The following FRAS1 variants were observed in gnomAD, a reference collection of about 807,000 sequenced individuals.
FRAS1 encodes Fraser extracellular matrix complex subunit 1.
A neutral mutation model predicts 435.2 loss-of-function variants in FRAS1; 290 were observed. The ratio of observed to expected loss-of-function variants is 0.67; its 90% confidence interval spans 0.61 to 0.73. The LOEUF is 0.73. FRAS1 is among the 30% of genes least tolerant of loss of function. The probability of loss-of-function intolerance (pLI) is 0.00; values close to 1 mark genes in which losing one functional copy is unlikely to be tolerated. For missense variants in FRAS1, 4,860 were observed against 5,001.5 expected (o/e 0.97, Z 0.85); for synonymous variants, 1,800 against 1,851.0 (o/e 0.97, Z 0.71).
chr4:78,275,210 C>G (rs1443402031), intron 9 of FRAS1, among the ~76,000 whole-genome samples: 1 of 152,186 alleles, frequency 6.6e-6, no homozygotes, highest in East Asian at 1.9e-4. Context: ...ATGTGTGTCT[C>G]TGCACATGAG....
chr4:78,472,248 C>T lies in FRAS1; in HGVS notation c.7440C>T (p.Val2480=). Residue 2480 remains valine, a synonymous_variant, in exon 52 of 74, where the codon GTC becomes GTT. Transcript: ENST00000512123. ...CAGACACCGAGGACGCGCAGCTTGT[C>T]TATGAGATAACGACGGGCCCTAAGC... ...MDPDTEDAQL[V]YEITTGPKHG... 1 of 1,613,888 alleles carries T rather than the reference C, an allele frequency of 6.2e-7. No homozygotes were observed. The highest frequency in any genetic ancestry group is 8.5e-7 in the Non-Finnish European group (1 of 1,179,814).
chr4:78,428,402 A>G (rs558484125), intron 35 of FRAS1, among the ~76,000 whole-genome samples: 2 of 152,112 alleles, frequency 1.3e-5, no homozygotes, highest in Non-Finnish European at 2.9e-5. Flanking sequence ...GGCTCACTGC[A>G]AGCTCCGCCT....
chr4:78,424,909 A>C (rs992198987), intron 35 of FRAS1, among the ~76,000 whole-genome samples: 3 of 151,984 alleles, frequency 2.0e-5, no homozygotes, highest in African/African-American at 7.3e-5. Context: ...CAGCTTGGAC[A>C]ATAGTGAAAC....
At chr4:78,186,439 G>A (rs1722271833) in intron 2 of FRAS1, among the ~76,000 whole-genome samples, 1 of 152,156 alleles carries the variant, frequency 6.6e-6, no homozygotes, top group Non-Finnish European at 1.5e-5. Context: ...GAACTATGTG[G>A]AAGTGTGTAT....
chr4:78,102,318 A>G (rs1001277025), intron 2 of FRAS1, among the ~76,000 whole-genome samples: 9 of 152,186 alleles, frequency 5.9e-5, no homozygotes, highest in African/African-American at 1.2e-4. Flanking sequence ...TGAAAACTCA[A>G]TTAGTGAAGT....
chr4:78,393,941 G>A (rs1732550348), intron 29 of FRAS1, among the ~76,000 whole-genome samples: 1 of 151,844 alleles, frequency 6.6e-6, no homozygotes, highest in African/African-American at 2.4e-5. Context: ...ACAAGTGTGA[G>A]GTAGTTTTGC....
chr4:78,372,888 C>T (rs1560688012), intron 24 of FRAS1, 30 bp downstream of exon 24: 3 of 1,603,696 alleles, frequency 1.9e-6, no homozygotes, highest in African/African-American at 1.3e-5. Flanking sequence ...GCTCTGTGCT[C>T]AGCCATACCT....
At chr4:78,073,242 G>C (rs1248324783) in intron 2 of FRAS1, among the ~76,000 whole-genome samples, 3 of 152,110 alleles carry the variant, frequency 2.0e-5, no homozygotes, top group African/African-American at 7.2e-5. Context: ...TTGTATGAGA[G>C]GAATAATACA....
chr4:78,245,615 T>C (rs1725205942), intron 4 of FRAS1, among the ~76,000 whole-genome samples: 1 of 152,186 alleles, frequency 6.6e-6, no homozygotes, highest in Non-Finnish European at 1.5e-5. Flanking sequence ...ACTACATACA[T>C]TTTAAATTTG....
chr4:78,493,252 C>T (rs1720417624), intron 59 of FRAS1, among the ~76,000 whole-genome samples: 1 of 152,194 alleles, frequency 6.6e-6, no homozygotes, highest in Non-Finnish European at 1.5e-5. Flanking sequence ...ATGGTGATTC[C>T]TCAAGGATCT....
intron 6 of FRAS1, among the ~76,000 whole-genome samples, chr4:78,262,452 G>A (rs1578213545): frequency 1.3e-5 from 2 of 152,174 alleles, no homozygotes; most frequent in African/African-American, 4.8e-5. Flanking sequence ...GCCATATTCT[G>A]TTAGAGCTAG....
At chr4:78,474,167 A>G (rs1719795481) in intron 53 of FRAS1, among the ~76,000 whole-genome samples, 1 of 152,168 alleles carries the variant, frequency 6.6e-6, no homozygotes, top group African/African-American at 2.4e-5. Context: ...AGGAATGTAT[A>G]TCTGTAGGGC....
chr4:78,284,601 A>T, intron 13 of FRAS1, 53 bp downstream of exon 13: 1 of 1,502,952 alleles, frequency 6.7e-7, no homozygotes. Context: ...AGATAGACTC[A>T]TCAAAGGTTG....
intron 34 of FRAS1, 98 bp from the exon 35 acceptor site, chr4:78,424,290 C>A (rs933198397): frequency 3.4e-5 from 19 of 556,890 alleles, no homozygotes; most frequent in African/African-American, 3.4e-4. Context: ...TTAAAACATT[C>A]TTTAGCTTCC....
intron 29 of FRAS1, among the ~76,000 whole-genome samples, chr4:78,395,184 T>G (rs1732607060): frequency 6.6e-6 from 1 of 152,032 alleles, no homozygotes; most frequent in Non-Finnish European, 1.5e-5. Flanking sequence ...TTTGTTTCTT[T>G]CTGTTGCCTA....
chr4:78,430,803 G>T (rs150562670), intron 37 of FRAS1, among the ~76,000 whole-genome samples: 220 of 152,044 alleles, frequency 1.4e-3, no homozygotes, highest in African/African-American at 5.2e-3. Flanking sequence ...TATTTTTAGC[G>T]CTGTGACTCT....
intron 2 of FRAS1, among the ~76,000 whole-genome samples, chr4:78,222,681 G>C (rs1724105420): frequency 6.6e-6 from 1 of 152,168 alleles, no homozygotes; most frequent in African/African-American, 2.4e-5. Flanking sequence ...CCACCTGTGG[G>C]TTGTCTGCAG....
At chr4:78,496,518 T>C (rs1182940581) in intron 59 of FRAS1, among the ~76,000 whole-genome samples, 1 of 152,216 alleles carries the variant, frequency 6.6e-6, no homozygotes, top group Non-Finnish European at 1.5e-5. Context: ...GTTCTACATA[T>C]GGTTTTTAGT....
At chr4:78,193,511 T>C (rs961683148) in intron 2 of FRAS1, among the ~76,000 whole-genome samples, 1 of 152,222 alleles carries the variant, frequency 6.6e-6, no homozygotes, top group African/African-American at 2.4e-5. Flanking sequence ...AATTGATCCC[T>C]TTACCATTAT....
Sources: allele counts gnomAD v4.1 joint callset (sites outside exome capture counted in the v4.1 genomes callset), GRCh38; gene constraint gnomAD v4.1.1; transcripts MANE v1.5; gene names NCBI Gene and HGNC (gene_info 2026-07-23, HGNC 2026-07-21).